Variants in CHD9 observed in about 807,000 individuals in gnomAD.
The protein encoded by CHD9 is chromodomain helicase DNA binding protein 9, also known as ATP-dependent chromatin remodeler CHD9.
In CHD9, 77 loss-of-function variants were observed where a neutral mutation model predicts 316.1. That is an observed-to-expected ratio of 0.24 (90% CI 0.20 to 0.29). The LOEUF is 0.29. Among genes scored for constraint, CHD9 ranks in the 10% least tolerant of loss-of-function variants. The pLI, the probability that CHD9 is intolerant of heterozygous loss-of-function variation, is 1.00. For missense variants in CHD9, 2,763 were observed against 3,438.1 expected (o/e 0.80, Z 4.91); for synonymous variants, 1,129 against 1,158.3 (o/e 0.97, Z 0.51).
chr16:53,143,018 T>C (rs1365380510), intron 1 of CHD9, among the ~76,000 whole-genome samples: 2 of 152,158 alleles, frequency 1.3e-5, no homozygotes, highest in Admixed American at 1.3e-4. Flanking sequence ...GATTTTCTTT[T>C]CTGTAACAAG....
intron 34 of CHD9, among the ~76,000 whole-genome samples, chr16:53,309,239 T>A (rs2056251447): frequency 6.6e-6 from 1 of 152,206 alleles, no homozygotes; most frequent in African/African-American, 2.4e-5. Flanking sequence ...ATACAGGTGT[T>A]ATCTATGACT....
rs371069907 is a variant in CHD9, at chr16:53,267,430, G to A, written c.4457G>A (p.Arg1486His). ...EKPKLRRPCDRSNGYGRTECF... is the reference protein window; with the variant it reads ...EKPKLRRPCDHSNGYGRTECF... The stretch of plus-strand genomic sequence containing the variant: ...CCCAAACTCCGGAGACCCTGTGACC[G>A]TTCCAATGGCTATGGAAGAACTGAA... The change falls in exon 21 of 39, where the codon CGT becomes CAT. Residue 1486 changes from arginine to histidine, a missense_variant. Transcript: ENST00000447540. The A allele has an allele frequency of 6.5e-5, 105 of 1,611,536 alleles. No homozygotes were observed. The highest frequency in any genetic ancestry group is 8.3e-5 in the Non-Finnish European group (98 of 1,178,570).
chr16:53,312,464 A>G (rs1216230266), intron 34 of CHD9, among the ~76,000 whole-genome samples: 1 of 152,248 alleles, frequency 6.6e-6, no homozygotes, highest in Non-Finnish European at 1.5e-5. Context: ...TCTAGAAAAT[A>G]GGGTTGTCAG....
At chr16:53,282,061 CT>C (rs2153034817) in intron 24 of CHD9, among the ~76,000 whole-genome samples, 1 of 152,274 alleles carries the variant, frequency 6.6e-6, no homozygotes, top group South Asian at 2.1e-4. Context: ...CTCCTTTCCC[CT>C]AGCCTGACTG....
intron 24 of CHD9, among the ~76,000 whole-genome samples, chr16:53,284,202 A>C (rs1307624102): frequency 6.6e-6 from 1 of 152,086 alleles, no homozygotes; most frequent in African/African-American, 2.4e-5. Flanking sequence ...TCTACTTTGT[A>C]TAATTTATAT....
chr16:53,138,569 A>G (rs2152701012), intron 1 of CHD9, among the ~76,000 whole-genome samples: 2 of 152,358 alleles, frequency 1.3e-5, no homozygotes, highest in East Asian at 3.9e-4. Flanking sequence ...AGTTCAGAAG[A>G]TTCTTAAAGC....
Position 53,320,213 on chromosome 16 carries a change from A to AG in CHD9, c.7714-1313_7714-1312insG, listed in dbSNP as rs1374885443. ...TGAGTCTCTTTAAAAAAAAAAAAAA[A>AG]AAAGAAATACCATGTAAGAATACTT... is the stretch of plus-strand genomic sequence containing the variant. On this transcript the variant is annotated intron_variant, in intron 37 of 38. Coordinates refer to ENST00000447540, the MANE Select transcript of CHD9 (RefSeq NM_001308319.2). Among the ~76,000 whole-genome samples the AG allele has an allele frequency of 5.4e-4, 82 of 151,194 alleles. 1 individual carries two copies. Among genetic ancestry groups the AG allele is most frequent in the Admixed American group, 7.2e-4 (11 of 15,184 alleles).
intron 1 of CHD9, among the ~76,000 whole-genome samples, chr16:53,068,414 A>G (rs141088525): frequency 6.0e-4 from 91 of 152,316 alleles, no homozygotes; most frequent in African/African-American, 1.9e-3. Context: ...CCGCCGATCC[A>G]GCATTCTCTC....
At chr16:53,278,022 A>G (rs992734728) in intron 24 of CHD9, among the ~76,000 whole-genome samples, 3 of 152,132 alleles carry the variant, frequency 2.0e-5, no homozygotes, top group African/African-American at 4.8e-5. Context: ...CAGAAAAAAA[A>G]AAAAGGTACT....
At chr16:53,139,219 G>A (rs1400050958) in intron 1 of CHD9, among the ~76,000 whole-genome samples, 1 of 152,118 alleles carries the variant, frequency 6.6e-6, no homozygotes, top group African/African-American at 2.4e-5. Context: ...AGGTAAGAAT[G>A]GGGAAGTTAG....
intron 2 of CHD9, 94 bp downstream of exon 2, chr16:53,157,635 T>C: frequency 8.4e-7 from 1 of 1,194,652 alleles, no homozygotes; most frequent in Non-Finnish European, 1.2e-6. Flanking sequence ...TCAAGATTTC[T>C]CAAACTTGGT....
At chr16:53,167,100 TA>T (rs1489913414) in intron 2 of CHD9, among the ~76,000 whole-genome samples, 107 of 152,324 alleles carry the variant, frequency 7.0e-4, no homozygotes, top group African/African-American at 2.5e-3. Flanking sequence ...TATGGACAGA[TA>T]CATATTTAAT....
intron 30 of CHD9, 47 bp downstream of exon 30, chr16:53,297,205 A>C: frequency 2.8e-6 from 4 of 1,426,486 alleles, no homozygotes; most frequent in Non-Finnish European, 3.9e-6. Flanking sequence ...AGAAGCAAAA[A>C]TCACTAAAAT....
intron 24 of CHD9, among the ~76,000 whole-genome samples, chr16:53,281,634 C>A (rs2053426407): frequency 6.6e-6 from 1 of 152,270 alleles, no homozygotes; most frequent in Non-Finnish European, 1.5e-5. Flanking sequence ...TTCCATATGA[C>A]CTACAAGGGC....
In CHD9 at chr16:53,235,178, C is replaced by A; in HGVS notation, c.2512-7C>A. ...AAACACCATTCATTCTTTGTTTTTC[C>A]ACAAAGGACCGTCCTCCTTCTAATA... On this transcript the variant is annotated splice_polypyrimidine_tract_variant and splice_region_variant and intron_variant, in intron 10 of 38. Transcript: ENST00000447540. The A allele has an allele frequency of 1.9e-6, 3 of 1,548,950 alleles. No homozygotes were observed. The highest frequency in any genetic ancestry group is 2.4e-5 in the East Asian group (1 of 42,412).
Position 53,307,917 on chromosome 16 carries a change from T to G in CHD9, c.7017T>G (p.His2339Gln), listed in dbSNP as rs368251204. ...QSTQMSKVKK[H>Q]VREKEFTVKI... ...CACAGATGTCAAAGGTGAAGAAGCATGTACGAGAAAAGGAGTTTACAGTGA... is the reference window on the plus strand; with the variant it reads ...CACAGATGTCAAAGGTGAAGAAGCAGGTACGAGAAAAGGAGTTTACAGTGA... The change falls in exon 33 of 39, where the codon CAT (histidine) becomes CAG (glutamine). Residue 2339 changes from histidine (H) to glutamine (Q), a missense_variant. Coordinates refer to ENST00000447540, the MANE Select transcript of CHD9 (RefSeq NM_001308319.2). The G allele has an allele frequency of 6.2e-7, 1 of 1,612,420 alleles. No homozygotes were observed. The highest frequency in any genetic ancestry group is 1.7e-5 in the Admixed American group (1 of 59,710).
intron 11 of CHD9, among the ~76,000 whole-genome samples, chr16:53,236,673 C>T (rs2048659998): frequency 7.7e-6 from 1 of 130,592 alleles, no homozygotes; most frequent in South Asian, 2.7e-4. Context: ...TTCTCTGAAA[C>T]TTTTAACTTT....
In CHD9 at chr16:53,131,017, C is replaced by T. The variant is rs557338103; in HGVS notation, c.-164-24909C>T. The T allele has an allele frequency of 1.0e-4, 16 of 152,772 alleles. No individual in the cohort carries two copies. In the South Asian group the frequency reaches 2.7e-3, roughly 26 times the overall value. The allele number at this position is 152,772 out of a possible 1,614,324, so 9.5% of individuals were successfully genotyped here. On this transcript the variant is annotated intron_variant, in intron 1 of 38. Transcript: ENST00000447540. ...GCCCCTTCACTCCTCCCTCCACTCC[C>T]TCCCTGCCCCGCGCTGACAGGGGGG...
rs1284713601 is a variant in CHD9 at position 53,325,250 on chromosome 16, T to C, written c.*355T>C. 1 of 165,658 alleles carries C rather than the reference T, an allele frequency of 6.0e-6. No homozygotes were observed. Among genetic ancestry groups the C allele is most frequent in the Non-Finnish European group, 1.3e-5 (1 of 76,130 alleles). 10.3% of individuals were successfully genotyped at this position (165,658 alleles called of 1,614,324 possible). A position where few individuals can be genotyped will look rare whatever the true frequency, so the allele number is the denominator to read the frequency against. On this transcript the variant is annotated 3_prime_UTR_variant, in exon 39 of 39. Coordinates refer to ENST00000447540, the MANE Select transcript of CHD9 (RefSeq NM_001308319.2). The stretch of plus-strand genomic sequence containing the variant: ...GCATATTACTGATTTAATTTGAATA[T>C]AGTTTTACAGCCTCCTTGACACCTA...
Sources: allele counts gnomAD v4.1 joint callset (sites outside exome capture counted in the v4.1 genomes callset), GRCh38; gene constraint gnomAD v4.1.1; transcripts MANE v1.5; gene names NCBI Gene and HGNC (gene_info 2026-07-23, HGNC 2026-07-21).